KCNN2: variants seen among roughly 807,000 people sequenced by gnomAD.
KCNN2 encodes the protein potassium calcium-activated channel subfamily N member 2.
A neutral mutation model predicts 55.5 loss-of-function variants in KCNN2; 24 were observed. The ratio of observed to expected loss-of-function variants is 0.43; its 90% CI spans 0.31 to 0.61. The LOEUF (loss-of-function observed/expected upper bound fraction) is 0.61, where lower values mean the gene tolerates loss of function less well. Ranked by LOEUF, KCNN2 falls within the 20% of genes least tolerant of loss-of-function variation. The pLI, the probability that KCNN2 is intolerant of heterozygous loss-of-function variation, is 0.08. For synonymous variants in KCNN2, 431 were observed against 336.1 expected (o/e 1.28, Z -3.09); for missense variants, 754 against 853.6 (o/e 0.88, Z 1.45).
At chr5:114,157,530 A>G (rs1408826027) in intron 1 of KCNN2, among the ~76,000 whole-genome samples, 1 of 152,120 alleles carries the variant, frequency 6.6e-6, no homozygotes, top group Non-Finnish European at 1.5e-5. Flanking sequence ...CAGTAATGGG[A>G]TGGCTGGGTC....
At chr5:114,419,029 C>T (rs1232369118) in intron 3 of KCNN2, among the ~76,000 whole-genome samples, 4 of 152,158 alleles carry the variant, frequency 2.6e-5, no homozygotes, top group Non-Finnish European at 5.9e-5. Context: ...TTTCGTAGCT[C>T]TTTATCCAGT....
At chr5:114,437,800 G>C (rs1446045800) in intron 3 of KCNN2, among the ~76,000 whole-genome samples, 2 of 152,180 alleles carry the variant, frequency 1.3e-5, no homozygotes, top group Admixed American at 1.3e-4. Flanking sequence ...TTGAGAAGCA[G>C]TCACGTGTCT....
At chr5:114,084,418 A>G (rs1252126913) in intron 1 of KCNN2, among the ~76,000 whole-genome samples, 1 of 152,038 alleles carries the variant, frequency 6.6e-6, no homozygotes. Context: ...CAATTTCTTA[A>G]TGCCATGTTG....
At chr5:114,264,779 G>A (rs1262033315) in intron 2 of KCNN2, among the ~76,000 whole-genome samples, 1 of 152,198 alleles carries the variant, frequency 6.6e-6, no homozygotes, top group Non-Finnish European at 1.5e-5. Flanking sequence ...GCCCCCCCAG[G>A]GCAGCATGCC....
chr5:114,396,530 G>A (rs537213624), intron 2 of KCNN2, among the ~76,000 whole-genome samples: 139 of 150,886 alleles, frequency 9.2e-4, no homozygotes, highest in African/African-American at 3.2e-3. Context: ...AAGCATATAA[G>A]CATAGTACCC....
At chr5:114,409,598 T>C (rs1255367454) in intron 3 of KCNN2, among the ~76,000 whole-genome samples, 1 of 152,200 alleles carries the variant, frequency 6.6e-6, no homozygotes, top group African/African-American at 2.4e-5. Context: ...TATTTTTAGT[T>C]AATTAGATAT....
chr5:114,209,877 C>T (rs547862297), intron 1 of KCNN2, among the ~76,000 whole-genome samples: 10 of 152,176 alleles, frequency 6.6e-5, no homozygotes, highest in Non-Finnish European at 1.5e-4. Context: ...TCATTATTCA[C>T]AGATTCCTTA....
At chr5:114,493,282 A>G (rs572669747) in intron 6 of KCNN2, 121 bp from the exon 7 acceptor site, 29 of 762,484 alleles carry the variant, frequency 3.8e-5, no homozygotes, top group East Asian at 2.0e-4. Context: ...ACTTACCCCA[A>G]ATGTTCAAGG....
intron 2 of KCNN2, among the ~76,000 whole-genome samples, chr5:114,353,550 C>CTG (rs911282206): frequency 5.3e-5 from 8 of 151,618 alleles, no homozygotes; most frequent in Non-Finnish European, 8.9e-5. Context: ...CGCTCTTTTT[C>CTG]TGTGTGTGTG....
intron 5 of KCNN2, among the ~76,000 whole-genome samples, chr5:114,473,910 C>T (rs1737858442): frequency 6.6e-6 from 1 of 152,116 alleles, no homozygotes; most frequent in Non-Finnish European, 1.5e-5. Flanking sequence ...TAGAAAACTG[C>T]AAGAAGAGAA....
Position 114,496,346 on chromosome 5 carries a change from CT to C in KCNN2, c.*173del, listed in dbSNP as rs200875456. The C allele has an allele frequency of 5.0e-5, 33 of 658,214 alleles. No homozygotes were observed. The highest frequency in any genetic ancestry group is 9.2e-5 in the Admixed American group (3 of 32,594). The allele number at this position is 658,214 out of a possible 1,614,324, so 40.8% of individuals were successfully genotyped here. A position where few individuals can be genotyped will look rare whatever the true frequency, so the allele number is the denominator to read the frequency against. On this transcript the variant is annotated 3_prime_UTR_variant, in exon 8 of 8. Coordinates refer to ENST00000673685, the MANE Select transcript of KCNN2 (RefSeq NM_021614.4). ...TTTTAGGCCAAAATGAGTGAAAACT[CT>C]TTTTTTTTCTTTCAGATGCACAGGG...
intron 2 of KCNN2, among the ~76,000 whole-genome samples, chr5:114,294,716 G>T (rs1486200583): frequency 3.9e-5 from 6 of 152,144 alleles, no homozygotes; most frequent in Admixed American, 3.3e-4. Flanking sequence ...GGTCCGCTTG[G>T]TGCAGAGCCG....
chr5:114,109,423 C>T (rs1432248417), intron 1 of KCNN2, among the ~76,000 whole-genome samples: 4 of 152,024 alleles, frequency 2.6e-5, no homozygotes, highest in Non-Finnish European at 4.4e-5. Context: ...CCTGCCAACA[C>T]TCCAGGGGAG....
At chr5:114,375,581 A>G (rs537368145) in intron 2 of KCNN2, among the ~76,000 whole-genome samples, 76 of 152,226 alleles carry the variant, frequency 5.0e-4, no homozygotes, top group Non-Finnish European at 7.9e-4. Context: ...TTAGTTATAC[A>G]TGTCATTGGT....
intron 2 of KCNN2, among the ~76,000 whole-genome samples, chr5:114,285,775 G>T (rs1755732679): frequency 6.6e-6 from 1 of 152,102 alleles, no homozygotes; most frequent in African/African-American, 2.4e-5. Context: ...TGCTGAAATG[G>T]ATCTAAAAAT....
At chr5:114,147,501 C>A (rs1437387513) in intron 1 of KCNN2, among the ~76,000 whole-genome samples, 1 of 152,116 alleles carries the variant, frequency 6.6e-6, no homozygotes, top group African/African-American at 2.4e-5. Flanking sequence ...ACAAGAGAAT[C>A]ATTTTGTACT....
At chr5:114,159,901 T>C (rs531646340) in intron 1 of KCNN2, among the ~76,000 whole-genome samples, 4,695 of 152,274 alleles carry the variant, frequency 0.031, 250 homozygotes, top group African/African-American at 0.11. Context: ...TCTTTTCTTC[T>C]TTATTAGTCT....
intron 2 of KCNN2, among the ~76,000 whole-genome samples, chr5:114,272,060 T>A (rs978116978): frequency 6.6e-6 from 1 of 152,168 alleles, no homozygotes; most frequent in Non-Finnish European, 1.5e-5. Context: ...ATTTTCTTTT[T>A]TTCTGATCAT....
chr5:114,373,557 A>G (rs1268247840), intron 2 of KCNN2, among the ~76,000 whole-genome samples: 1 of 146,600 alleles, frequency 6.8e-6, no homozygotes, highest in Non-Finnish European at 1.5e-5. Context: ...TGGACAGGTT[A>G]CTTAATCTCT....
Sources: allele counts gnomAD v4.1 joint callset (sites outside exome capture counted in the v4.1 genomes callset), GRCh38; gene constraint gnomAD v4.1.1; transcripts MANE v1.5; gene names NCBI Gene and HGNC (gene_info 2026-07-23, HGNC 2026-07-21).